The following CCDC148 variants were observed in gnomAD, a reference collection of about 807,000 sequenced individuals.
CCDC148 encodes the protein coiled-coil domain-containing protein 148.
A neutral mutation model predicts 85.7 loss-of-function variants in CCDC148; 89 were observed. That is an observed-to-expected ratio of 1.04 (90% CI 0.87 to 1.24). CCDC148 has a LOEUF of 1.24. Among genes scored for constraint, CCDC148 ranks in the 50% most tolerant of loss-of-function variants. The pLI, the probability that CCDC148 is intolerant of heterozygous loss-of-function variation, is 0.00. For synonymous variants in CCDC148, 230 were observed against 213.9 expected, an observed-to-expected ratio of 1.08 and a Z score of -0.66; for missense variants, 692 against 671.7, an observed-to-expected ratio of 1.03 and a Z score of -0.33.
At chr2:158,420,888 A>T in intron 1 of CCDC148, among the ~76,000 whole-genome samples, 1 of 152,100 alleles carries the variant, frequency 6.6e-6, no homozygotes, top group East Asian at 1.9e-4. Flanking sequence ...GGGATGGAGG[A>T]AGATCTACCA....
intron 7 of CCDC148, among the ~76,000 whole-genome samples, chr2:158,328,176 A>C (rs1306809434): frequency 6.6e-6 from 1 of 151,862 alleles, no homozygotes; most frequent in African/African-American, 2.4e-5. Context: ...CGCCCACCCC[A>C]CAACAGGCCC....
At chr2:158,369,989 C>A (rs1684370173) in intron 1 of CCDC148, among the ~76,000 whole-genome samples, 1 of 151,868 alleles carries the variant, frequency 6.6e-6, no homozygotes, top group Non-Finnish European at 1.5e-5. Flanking sequence ...TTTGTTGAAC[C>A]AGCCTTTCAT....
intron 1 of CCDC148, among the ~76,000 whole-genome samples, chr2:158,360,905 T>C (rs1010725947): frequency 8.6e-5 from 13 of 151,788 alleles, no homozygotes. Flanking sequence ...TCTAACCTAA[T>C]GCAAGGAAGC....
intron 9 of CCDC148, among the ~76,000 whole-genome samples, chr2:158,301,919 G>C (rs1559054994): frequency 6.6e-6 from 1 of 152,224 alleles, no homozygotes; most frequent in Non-Finnish European, 1.5e-5. Flanking sequence ...GATTTCAAAT[G>C]AAAGAGTAGA....
intron 1 of CCDC148, among the ~76,000 whole-genome samples, chr2:158,404,033 A>G (rs1685897159): frequency 6.6e-6 from 1 of 152,194 alleles, no homozygotes; most frequent in Non-Finnish European, 1.5e-5. Context: ...GTAAAATAGC[A>G]TTCCGATACA....
chr2:158,188,477 G>GC (rs1446868915), intron 11 of CCDC148, among the ~76,000 whole-genome samples: 47 of 149,724 alleles, frequency 3.1e-4, no homozygotes, highest in African/African-American at 1.1e-3. Context: ...AGAGCCAACT[G>GC]CCTATTATGG....
intron 7 of CCDC148, among the ~76,000 whole-genome samples, chr2:158,338,368 C>G (rs1682494604): frequency 6.6e-6 from 1 of 152,084 alleles, no homozygotes; most frequent in African/African-American, 2.4e-5. Context: ...TAACATAATT[C>G]CATGGGTACA....
chr2:158,389,144 C>T (rs1452258715), intron 1 of CCDC148, among the ~76,000 whole-genome samples: 2 of 152,114 alleles, frequency 1.3e-5, no homozygotes, highest in Non-Finnish European at 2.9e-5. Context: ...TTTGAAATAA[C>T]ACAAAGTATT....
intron 1 of CCDC148, among the ~76,000 whole-genome samples, chr2:158,446,919 T>C (rs964674950): frequency 5.9e-5 from 9 of 152,202 alleles, no homozygotes; most frequent in African/African-American, 2.2e-4. Flanking sequence ...TGGAGGTTTA[T>C]CCATATTGTA....
intron 9 of CCDC148, among the ~76,000 whole-genome samples, chr2:158,302,101 A>C (rs377181760): frequency 6.6e-6 from 1 of 152,238 alleles, no homozygotes; most frequent in African/African-American, 2.4e-5. Context: ...GGGGGGTCAC[A>C]GTTCCAGACT....
intron 2 of CCDC148, among the ~76,000 whole-genome samples, chr2:158,351,468 G>GGTGACGGAC (rs66489252): frequency 2.6e-3 from 5 of 1,928 alleles, no homozygotes; most frequent in African/African-American, 9.3e-3. Context: ...CAAAGAAAGG[G>GGTGACGGAC]GCACCTGGAA....
intron 11 of CCDC148, among the ~76,000 whole-genome samples, chr2:158,202,508 G>T (rs1686019581): frequency 1.3e-5 from 2 of 152,120 alleles, no homozygotes; most frequent in Admixed American, 1.3e-4. Context: ...GATGTTCCCC[G>T]CTTCTTCCAC....
chr2:158,354,563 A>C (rs1212947465), intron 2 of CCDC148, among the ~76,000 whole-genome samples: 1 of 152,182 alleles, frequency 6.6e-6, no homozygotes, highest in Non-Finnish European at 1.5e-5. Context: ...CAAGAACAGG[A>C]TCTGAAATTG....
At chr2:158,330,449 C>T (rs28847729) in intron 7 of CCDC148, among the ~76,000 whole-genome samples, 7,631 of 151,942 alleles carry the variant, frequency 0.05, 351 homozygotes, top group African/African-American at 0.12. Context: ...TGTTTATCAG[C>T]GATATTGGTC....
intron 7 of CCDC148, among the ~76,000 whole-genome samples, chr2:158,338,326 G>C (rs537942757): frequency 2.0e-5 from 3 of 152,236 alleles, no homozygotes; most frequent in Non-Finnish European, 4.4e-5. Context: ...ACTCTGTGTT[G>C]ATCATAGGAT....
chr2:158,429,439 A>ATATAATGT (rs992532173), intron 1 of CCDC148, among the ~76,000 whole-genome samples: 1 of 152,176 alleles, frequency 6.6e-6, no homozygotes, highest in African/African-American at 2.4e-5. Flanking sequence ...AAATTCCAAG[A>ATATAATGT]TATAATGTTA....
At chr2:158,216,436 G>A (rs1574419134) in intron 11 of CCDC148, among the ~76,000 whole-genome samples, 1 of 110,708 alleles carries the variant, frequency 9.0e-6, no homozygotes, top group South Asian at 3.3e-4. Context: ...TTGCTCTGTC[G>A]CCCAGGCTGC....
chr2:158,338,510 T>G, intron 7 of CCDC148: 1 of 398,806 alleles, frequency 2.5e-6, no homozygotes, highest in South Asian at 4.9e-5. Flanking sequence ...ATTTTCAACA[T>G]GTCTTAACCT....
intron 9 of CCDC148, among the ~76,000 whole-genome samples, chr2:158,295,310 A>T (rs199997012): frequency 0.18 from 26,705 of 151,016 alleles, 3,050 homozygotes; most frequent in Middle Eastern, 0.25. Flanking sequence ...GAGGAACTGG[A>T]ACCATTCCCT....
Sources: gnomAD v4.1 joint callset for allele counts (sites outside exome capture counted in the v4.1 genomes callset) on GRCh38, gnomAD v4.1.1 for gene constraint, MANE v1.5 for transcripts, NCBI Gene and HGNC (gene_info 2026-07-23, HGNC 2026-07-21) for gene names.